Variants in EYS observed in about 807,000 individuals in gnomAD.
EYS encodes EGF-like photoreceptor maintenance factor.
Under a neutral mutation model 282.1 loss-of-function variants are expected in EYS, and 250 were observed. That is an observed-to-expected ratio of 0.89 (90% confidence interval 0.80 to 0.98). The LOEUF (loss-of-function observed/expected upper bound fraction) is 0.98, where lower values mean the gene tolerates loss of function less well. Ranked by LOEUF, EYS falls within the 50% of genes least tolerant of loss-of-function variation. The pLI is 0.00. For missense variants in EYS, 4,016 were observed against 3,709.0 expected (o/e 1.08, Z -2.15); for synonymous variants, 1,355 against 1,282.9 (o/e 1.06, Z -1.20).
At chr6:64,340,046 A>G (rs201886488) in intron 29 of EYS, among the ~76,000 whole-genome samples, 1 of 20 alleles carries the variant, frequency 0.05, no homozygotes, top group African/African-American at 0.12. Flanking sequence ...ATAATCTATG[A>G]AAAAAAATGT....
intron 14 of EYS, among the ~76,000 whole-genome samples, chr6:64,987,018 G>C (rs1014749660): frequency 1.3e-5 from 2 of 151,446 alleles, no homozygotes; most frequent in Non-Finnish European, 3.0e-5. Flanking sequence ...CTGTTTGGGA[G>C]AAGTGACTAG....
At chr6:64,384,296 T>C (rs948242918) in intron 29 of EYS, among the ~76,000 whole-genome samples, 4 of 152,192 alleles carry the variant, frequency 2.6e-5, no homozygotes, top group Non-Finnish European at 5.9e-5. Context: ...GTTAAACTTC[T>C]TTACTGTGTT....
chr6:65,306,716 C>T (rs1490741963), intron 11 of EYS, among the ~76,000 whole-genome samples: 1 of 143,818 alleles, frequency 7.0e-6, no homozygotes, highest in African/African-American at 2.5e-5. Context: ...GCCTGTAGTC[C>T]CAGCTACTTG....
chr6:65,639,580 C>T (rs749029004), intron 2 of EYS, among the ~76,000 whole-genome samples, 198 bp downstream of exon 2: 3 of 151,912 alleles, frequency 2.0e-5, no homozygotes, highest in Non-Finnish European at 2.9e-5. Flanking sequence ...ACACTTTTAG[C>T]GGATCTAAAG....
At chr6:64,425,657 GAA>G (rs34577912) in intron 28 of EYS, among the ~76,000 whole-genome samples, 5 of 67,802 alleles carry the variant, frequency 7.4e-5, no homozygotes, top group South Asian at 1.1e-3. Context: ...TCCATCCCAG[GAA>G]AAAAAAAAAA....
rs72874709 is a variant in EYS, at chr6:65,442,910, G to A, written c.863-37543C>T. Among the ~76,000 whole-genome samples the A allele has an allele frequency of 1.5e-4, 13 of 86,688 alleles. 3 individuals are homozygous for A. Among genetic ancestry groups the A allele is most frequent in the South Asian group, 7.8e-4 (2 of 2,574 alleles). 56.9% of individuals were successfully genotyped at this position (86,688 alleles called of 152,430 possible). A position where few individuals can be genotyped will look rare whatever the true frequency, so the allele number is the denominator to read the frequency against. ...TATGTACATATATGTATATATACAT[G>A]CACATACATATGTACATATATGTAT... is the stretch of plus-strand genomic sequence containing the variant. On this transcript the variant is annotated intron_variant, in intron 5 of 42. Transcript: ENST00000503581.
chr6:63,945,230 A>T (rs916439117), intron 35 of EYS, among the ~76,000 whole-genome samples: 3 of 152,146 alleles, frequency 2.0e-5, no homozygotes, highest in Non-Finnish European at 4.4e-5. Flanking sequence ...AGGGGAACAC[A>T]TCCTTCTCCA....
intron 22 of EYS, chr6:64,631,120 A>C (rs1041212988): frequency 6.6e-6 from 1 of 152,206 alleles, no homozygotes; most frequent in Admixed American, 6.5e-5. Flanking sequence ...AGGGGCATAA[A>C]AGACAAGTTG....
chr6:65,416,483 C>T lies in EYS; in HGVS notation c.863-11116G>A, dbSNP rs372467295. Among the ~76,000 whole-genome samples, 71 of 151,954 alleles carry T rather than the reference C, an allele frequency of 4.7e-4. 1 individual carries two copies. In the South Asian group the frequency reaches 0.011, roughly 24 times the overall value. On this transcript the variant is annotated intron_variant, in intron 5 of 42. Transcript: ENST00000503581. Reference sequence around the variant, plus strand: ...TTGAAGTAAAATATTTAAGCAGCAACGCTATTAAAATTATCTAAGTAATTT... The same window carrying T: ...TTGAAGTAAAATATTTAAGCAGCAATGCTATTAAAATTATCTAAGTAATTT...
chr6:65,257,506 A>T (rs1375844422), intron 12 of EYS, among the ~76,000 whole-genome samples: 1 of 146,440 alleles, frequency 6.8e-6, no homozygotes, highest in African/African-American at 2.6e-5. Flanking sequence ...CAGTTTTCCC[A>T]GCACCATTTA....
chr6:64,469,241 T>C (rs1776029875), intron 26 of EYS, among the ~76,000 whole-genome samples: 1 of 152,168 alleles, frequency 6.6e-6, no homozygotes, highest in South Asian at 2.1e-4. Flanking sequence ...ATTTTTCTAA[T>C]AATCTGCTAA....
chr6:65,271,148 A>ATATATATATATATATATATATATATT (rs1229715204), intron 12 of EYS, among the ~76,000 whole-genome samples: 1 of 137,026 alleles, frequency 7.3e-6, no homozygotes, highest in Admixed American at 7.4e-5. Context: ...ATATATATAT[A>ATATATATATATATATATATATATATT]TATATGAAGA....
At chr6:65,404,671 T>C (rs1766651044) in intron 6 of EYS, among the ~76,000 whole-genome samples, 1 of 151,956 alleles carries the variant, frequency 6.6e-6, no homozygotes, top group Non-Finnish European at 1.5e-5. Flanking sequence ...CAGCAAAAGT[T>C]CAGCAATTTT....
chr6:64,548,691 G>C (rs1396618022), intron 26 of EYS, among the ~76,000 whole-genome samples: 3 of 152,098 alleles, frequency 2.0e-5, no homozygotes, highest in Non-Finnish European at 2.9e-5. Context: ...GGTGTGGGGA[G>C]GGGGGAGGAG....
At chr6:64,654,082 G>A (rs1768662160) in intron 22 of EYS, among the ~76,000 whole-genome samples, 1 of 151,926 alleles carries the variant, frequency 6.6e-6, no homozygotes, top group South Asian at 2.1e-4. Context: ...ACCTTAAGAT[G>A]TTTTATAGTT....
chr6:64,945,488 G>A (rs371907199), intron 15 of EYS, among the ~76,000 whole-genome samples: 3 of 152,184 alleles, frequency 2.0e-5, no homozygotes, highest in African/African-American at 7.2e-5. Flanking sequence ...ATACTGCATG[G>A]AAAGGTCCAA....
intron 32 of EYS, among the ~76,000 whole-genome samples, chr6:64,075,938 A>G (rs1428963204): frequency 6.6e-6 from 1 of 151,958 alleles, no homozygotes; most frequent in Non-Finnish European, 1.5e-5. Context: ...CCAAATTCTG[A>G]CACTGTCTGA....
At chr6:64,448,469 A>G (rs1336944680) in intron 26 of EYS, among the ~76,000 whole-genome samples, 3 of 152,234 alleles carry the variant, frequency 2.0e-5, no homozygotes, top group Non-Finnish European at 4.4e-5. Flanking sequence ...TAACCTCTGC[A>G]GACTTAAATG....
chr6:64,620,301 T>C (rs966268714), intron 23 of EYS, among the ~76,000 whole-genome samples: 1 of 152,154 alleles, frequency 6.6e-6, no homozygotes, highest in Non-Finnish European at 1.5e-5. Context: ...ACCAGGCAGC[T>C]GCCGTTTCAA....
Sources: allele counts gnomAD v4.1 joint callset (sites outside exome capture counted in the v4.1 genomes callset), GRCh38; gene constraint gnomAD v4.1.1; transcripts MANE v1.5; gene names NCBI Gene and HGNC (gene_info 2026-07-23, HGNC 2026-07-21).